CCDC30: variants seen among roughly 807,000 people sequenced by gnomAD.
The protein encoded by CCDC30 is coiled-coil domain-containing protein 30.
A neutral mutation model predicts 100.2 loss-of-function variants in CCDC30; 70 were observed. That is an observed-to-expected ratio of 0.70 (90% CI 0.58 to 0.85). The LOEUF (loss-of-function observed/expected upper bound fraction) is 0.85. CCDC30 is among the 40% of genes least tolerant of loss of function. CCDC30 has a pLI of 0.00. For synonymous variants in CCDC30, 233 were observed against 269.5 expected, an observed-to-expected ratio of 0.86 and a Z score of 1.33; for missense variants, 652 against 771.2, an observed-to-expected ratio of 0.85 and a Z score of 1.83.
intron 11 of CCDC30, among the ~76,000 whole-genome samples, chr1:42,628,807 G>A (rs1179976836): frequency 6.6e-6 from 1 of 152,134 alleles, no homozygotes; most frequent in Non-Finnish European, 1.5e-5. Flanking sequence ...TTTTGAGTAT[G>A]TATTTATCAG....
At chr1:42,601,355 CAAAG>C (rs1256301135) in intron 10 of CCDC30, among the ~76,000 whole-genome samples, 1 of 152,102 alleles carries the variant, frequency 6.6e-6, no homozygotes, top group Admixed American at 6.6e-5. Flanking sequence ...CAGCTTGAAA[CAAAG>C]AGAGGGGATT....
At chr1:42,653,831 G>T (rs762395980) in exon 17 of CCDC30, 2 of 1,613,746 alleles carry the variant, frequency 1.2e-6, no homozygotes, top group South Asian at 1.1e-5. Context: ...TTCAGGAAAA[G>T]GTTTGGTAGA....
At chr1:42,566,384 G>T in exon 7 of CCDC30, 1 of 1,613,974 alleles carries the variant, frequency 6.2e-7, no homozygotes, top group Non-Finnish European at 8.5e-7. Context: ...CAGATTCTAT[G>T]CAACTCAGCT....
At chr1:42,630,470 C>T (rs560029508) in intron 11 of CCDC30, among the ~76,000 whole-genome samples, 3 of 151,860 alleles carry the variant, frequency 2.0e-5, no homozygotes, top group South Asian at 4.2e-4. Flanking sequence ...GCAACCTCTG[C>T]CTCCCAGGTT....
At chr1:42,528,064 C>T (rs1644749815) in intron 6 of CCDC30, among the ~76,000 whole-genome samples, 3 of 152,042 alleles carry the variant, frequency 2.0e-5, no homozygotes, top group African/African-American at 7.2e-5. Flanking sequence ...TGGGGTTTCA[C>T]CACATTGGCC....
chr1:42,464,059 A>G (rs888383592), intron 1 of CCDC30, 161 bp downstream of exon 1: 4 of 152,340 alleles, frequency 2.6e-5, no homozygotes, highest in African/African-American at 9.6e-5. Flanking sequence ...TCTGTCATCT[A>G]TAGACCACCT....
intron 1 of CCDC30, among the ~76,000 whole-genome samples, chr1:42,476,727 A>G (rs1356020085): frequency 6.7e-6 from 1 of 150,326 alleles, no homozygotes; most frequent in Non-Finnish European, 1.5e-5. Context: ...AGGTGCTGTT[A>G]TTATACTTAT....
intron 7 of CCDC30, among the ~76,000 whole-genome samples, chr1:42,574,756 G>A (rs1645798944): frequency 6.6e-6 from 1 of 151,986 alleles, no homozygotes; most frequent in Non-Finnish European, 1.5e-5. Context: ...CTCTAAAATG[G>A]GCTAAAATAC....
Position 42,650,497 on chromosome 1 carries a change from A to ATATATGTGTGTGTGTGTG in CCDC30, c.1855-2878_1855-2877insATATGTGTGTGTGTGTGT, listed in dbSNP as rs1181889086. 1.1e-3 allele frequency among the ~76,000 whole-genome samples: 144 copies of ATATATGTGTGTGTGTGTG among 136,288 alleles called. 1 individual carries two copies. The highest frequency in any genetic ancestry group is 3.9e-3 in the African/African-American group (140 of 35,556). The allele number at this position is 136,288 out of a possible 152,430, so 89.4% of individuals were successfully genotyped here. The stretch of plus-strand genomic sequence containing the variant: ...CAAGACCCTGTCTAAAAAAATATAT[A>ATATATGTGTGTGTGTGTG]TGTGTGTGTGTGTGTGTGTGTGTGT... On this transcript the variant is annotated intron_variant, in intron 15 of 16. Transcript: ENST00000668663.
chr1:42,480,825 T>A (rs780794703), intron 2 of CCDC30, among the ~76,000 whole-genome samples: 1 of 152,132 alleles, frequency 6.6e-6, no homozygotes, highest in African/African-American at 2.4e-5. Context: ...TGTATGATAA[T>A]GTATAGATTC....
rs573082669 is a variant in CCDC30, at chr1:42,482,767, A to G, written c.120A>G (p.Gln40=). 1.1e-4 allele frequency: 134 copies of G among 1,234,072 alleles called. No individual in the cohort carries two copies. In the Admixed American group the frequency reaches 1.7e-3, roughly 16 times the overall value. The allele number at this position is 1,234,072 out of a possible 1,614,324, so 76.4% of individuals were successfully genotyped here. ...TAGGGGTGGCTCATGAAGAGATTCA[A>G]AGGCTCACTGATGAACTACAAGTGA... Residue 40 remains glutamine, a synonymous_variant, in exon 3 of 17, where the codon CAA becomes CAG. Coordinates refer to ENST00000668663, the Ensembl canonical transcript of CCDC30.
intron 8 of CCDC30, 43 bp downstream of exon 12, chr1:42,577,272 A>G (rs1570124043): frequency 1.6e-6 from 2 of 1,220,614 alleles, no homozygotes; most frequent in East Asian, 2.4e-5. Flanking sequence ...ACTGAATACC[A>G]CTACTGAAAT....
chr1:42,557,929 T>C (rs1345357806), intron 6 of CCDC30, among the ~76,000 whole-genome samples: 1 of 152,028 alleles, frequency 6.6e-6, no homozygotes, highest in Non-Finnish European at 1.5e-5. Flanking sequence ...ATCTGTTGAC[T>C]GAGAAAAAAA....
intron 10 of CCDC30, chr1:42,590,556 C>T (rs931186566): frequency 6.6e-6 from 1 of 152,172 alleles, no homozygotes; most frequent in Non-Finnish European, 1.5e-5. Context: ...GCCTGGGCAA[C>T]ATAGTGAGCC....
chr1:42,461,917 CTG>C (rs1344744885), upstream of CCDC30, among the ~76,000 whole-genome samples: 2 of 152,162 alleles, frequency 1.3e-5, no homozygotes, highest in African/African-American at 4.8e-5. Context: ...GCAGTGGGCT[CTG>C]TCAGTGGCTG....
chr1:42,639,034 T>G (rs1057485927), intron 12 of CCDC30, among the ~76,000 whole-genome samples: 5 of 152,214 alleles, frequency 3.3e-5, no homozygotes, highest in African/African-American at 4.8e-5. Context: ...AAAAACAGTC[T>G]TCTGCTTTCA....
intron 3 of CCDC30, among the ~76,000 whole-genome samples, chr1:42,484,216 T>C (rs7529555): frequency 0.23 from 34,715 of 152,082 alleles, 4,980 homozygotes; most frequent in Non-Finnish European, 0.31. Flanking sequence ...ATGATGGAAA[T>C]GTTGCATATC....
intron 1 of CCDC30, among the ~76,000 whole-genome samples, chr1:42,471,949 C>T (rs1643782997): frequency 6.6e-6 from 1 of 152,140 alleles, no homozygotes; most frequent in African/African-American, 2.4e-5. Context: ...TTATGTCTGT[C>T]ACTGCAATTT....
rs117527778 is a variant in CCDC30, at chr1:42,560,002, C to A, written c.457-6294C>A. 9.2e-5 allele frequency among the ~76,000 whole-genome samples: 14 copies of A among 152,246 alleles called. No homozygotes were observed. The East Asian group carries it at 2.7e-3, about 29-fold the overall frequency. The stretch of plus-strand genomic sequence containing the variant: ...ATTAAGAAACTCACACAAAACCATG[C>A]AATTTCATGGAAATTGAACAACCTG... On this transcript the variant is annotated intron_variant, in intron 6 of 16. Transcript: ENST00000668663.
Sources: gnomAD v4.1 joint callset for allele counts (sites outside exome capture counted in the v4.1 genomes callset) on GRCh38, gnomAD v4.1.1 for gene constraint, MANE v1.5 for transcripts, NCBI Gene and HGNC (gene_info 2026-07-23, HGNC 2026-07-21) for gene names.